Variants in CDH16 observed in about 807,000 individuals in gnomAD.
CDH16 encodes cadherin-16.
A neutral mutation model predicts 87.6 loss-of-function variants in CDH16; 79 were observed. The observed-to-expected ratio is 0.90, with a 90% CI of 0.75 to 1.09. The LOEUF is 1.09. CDH16 is among the 50% of genes least tolerant of loss of function. The probability of loss-of-function intolerance (pLI) is 0.00; values close to 1 mark genes in which losing one functional copy is unlikely to be tolerated. For missense variants in CDH16, 1,124 were observed against 1,071.7 expected (o/e 1.05, Z -0.68); for synonymous variants, 457 against 439.5 (o/e 1.04, Z -0.50).
chr16:66,913,486 A>G lies in CDH16; in HGVS notation c.903+5T>C, dbSNP rs1484464245. 1 of 1,613,996 alleles carries G rather than the reference A, an allele frequency of 6.2e-7. No homozygotes were observed. Among genetic ancestry groups the G allele is most frequent in the Admixed American group, 1.7e-5 (1 of 59,996 alleles). On this transcript the variant is annotated splice_donor_5th_base_variant and intron_variant, in intron 8 of 17. Coordinates refer to ENST00000299752, the MANE Select transcript of CDH16 (RefSeq NM_004062.4). Reference sequence around the variant, plus strand: ...CCTGCATCCCTGGCTCCCCCTTCATATCACCTCAGCCTGGGCTTCTCTGTC... The same window carrying G: ...CCTGCATCCCTGGCTCCCCCTTCATGTCACCTCAGCCTGGGCTTCTCTGTC...
rs768163050 is a variant in CDH16, at chr16:66,913,189, G to T, written c.996C>A (p.Asn332Lys). The change falls in exon 9 of 18, where the codon AAC becomes AAA. Residue 332 changes from asparagine to lysine, a missense_variant. Asn to Lys is a moderately conservative substitution (Grantham distance 94). Transcript: ENST00000299752. ...LHVLVMDENDNVPICPPRDPT... is the reference protein window; with the variant it reads ...LHVLVMDENDKVPICPPRDPT... ...GGTCACGGGGAGGGCAGATAGGCAC[G>T]TTGTCATTCTCATCCATCACCAGCA... The T allele has an allele frequency of 6.2e-7, 1 of 1,606,012 alleles. No individual in the cohort carries two copies. Among genetic ancestry groups the T allele is most frequent in the African/African-American group, 1.3e-5 (1 of 74,614 alleles).
At chr16:66,914,525 C>T in intron 6 of CDH16, 113 bp from the exon 7 acceptor site, 2 of 728,836 alleles carry the variant, frequency 2.7e-6, no homozygotes, top group Non-Finnish European at 4.6e-6. Context: ...GATTGGGACA[C>T]TCTCTTGGCC....
In CDH16 at chr16:66,910,448, G is replaced by A; in HGVS notation, c.1979C>T (p.Pro660Leu). 6.3e-7 allele frequency: 1 copy of A among 1,576,312 alleles called. No homozygotes were observed. The highest frequency in any genetic ancestry group is 1.2e-5 in the South Asian group (1 of 86,320). The change falls in exon 15 of 18, where the codon CCT becomes CTT. Residue 660 changes from proline (P) to leucine (L), a missense_variant. Physicochemically the swap from Pro to Leu is moderately conservative, Grantham distance 98. Coordinates refer to ENST00000299752, the MANE Select transcript of CDH16 (RefSeq NM_004062.4). ...APLVIHFLKA[P>L]PAPALTLAPV... ...GGCAAGAGTCAGGGCTGGGGCAGGAGGGGCCTTTAGGAAGTGGATCACCAG... is the reference window on the plus strand; with the variant it reads ...GGCAAGAGTCAGGGCTGGGGCAGGAAGGGCCTTTAGGAAGTGGATCACCAG...
At chr16:66,918,332 A>G (rs1962780289) in intron 1 of CDH16, among the ~76,000 whole-genome samples, 2 of 152,166 alleles carry the variant, frequency 1.3e-5, no homozygotes. Context: ...CCAGACCTCC[A>G]GCTCCTTCTC....
At chr16:66,910,541 A>G in intron 14 of CDH16, 39 bp from the exon 15 acceptor site, 1 of 1,460,888 alleles carries the variant, frequency 6.8e-7, no homozygotes, top group East Asian at 2.5e-5. Flanking sequence ...AGGTGTTGCC[A>G]GGGGGAGGGT....
Position 66,912,862 on chromosome 16 carries a change from C to G in CDH16, c.1084G>C (p.Asp362His). The G allele has an allele frequency of 6.2e-7, 1 of 1,612,708 alleles. No individual in the cohort carries two copies. The highest frequency in any genetic ancestry group is 1.7e-5 in the Admixed American group (1 of 60,008). ...GTEVTRLSAE[D>H]ADAPGSPNSH... is the part of the protein sequence containing the mutation. ...TTGGGGGAGCCGGGGGCATCTGCATCCTCTGCTGACAGTCTAGTCACTTCA... is the reference window on the plus strand; with the variant it reads ...TTGGGGGAGCCGGGGGCATCTGCATGCTCTGCTGACAGTCTAGTCACTTCA... Residue 362 changes from aspartate to histidine, a missense_variant, in exon 10 of 18, where the codon GAT (aspartate) becomes CAT (histidine). Coordinates refer to ENST00000299752, the MANE Select transcript of CDH16 (RefSeq NM_004062.4).
Position 66,917,688 on chromosome 16 carries a change from TCC to T in CDH16, c.81_82del (p.Glu28SerfsTer21). 1.2e-6 allele frequency: 2 copies of T among 1,613,462 alleles called. No individual in the cohort carries two copies. The highest frequency in any genetic ancestry group is 1.7e-6 in the Non-Finnish European group (2 of 1,179,768). ...ATTTCCACCATAGTTTTCTGGAACT[TCC>T]ACAGACAGCTCTGCAGGCTGGGCCT... is the stretch of plus-strand genomic sequence containing the variant. On this transcript the variant is annotated frameshift_variant, in exon 3 of 18. Coordinates refer to ENST00000299752, the MANE Select transcript of CDH16 (RefSeq NM_004062.4). LOFTEE classifies it high-confidence loss of function.
At position 66,915,377 on chromosome 16, in the gene CDH16, G is replaced by A; in HGVS notation, c.426C>T (p.Gly142=). ...AAGCCTCAAGGAAGAGGAAGGGGAT[G>A]CCTGGTTCACGGTGGGAGGGCAAAC... The part of the protein sequence containing the change: ...RARLSRGTRP[G]IPFLFLEASD... Residue 142 remains glycine (G), a splice_region_variant and synonymous_variant, in exon 6 of 18, where the codon GGC becomes GGT. Transcript: ENST00000299752. 2 of 1,613,654 alleles carry A rather than the reference G, an allele frequency of 1.2e-6. No individual in the cohort carries two copies. The highest frequency in any genetic ancestry group is 1.1e-5 in the South Asian group (1 of 91,028).
chr16:66,913,690 G>T, intron 7 of CDH16, 77 bp from the exon 8 acceptor site: 1 of 1,563,522 alleles, frequency 6.4e-7, no homozygotes, highest in Non-Finnish European at 8.7e-7. Context: ...TCTCGTTGAG[G>T]AGCCTGAGCC....
At chr16:66,914,460 G>A (rs1169590366) in intron 6 of CDH16, 48 bp from the exon 7 acceptor site, 1 of 1,409,310 alleles carries the variant, frequency 7.1e-7, no homozygotes, top group Non-Finnish European at 1.0e-6. Flanking sequence ...GGGAGCAGGG[G>A]CCAGGGCATC....
chr16:66,912,881 CACTTCAGT>C lies in CDH16; in HGVS notation c.1057_1064del (p.Thr353AspfsTer2). 1.9e-6 allele frequency: 3 copies of C among 1,610,312 alleles called. No individual in the cohort carries two copies. Among genetic ancestry groups the C allele is most frequent in the Non-Finnish European group, 2.5e-6 (3 of 1,179,606 alleles). On this transcript the variant is annotated frameshift_variant and splice_region_variant, in exon 10 of 18. Coordinates refer to ENST00000299752, the MANE Select transcript of CDH16 (RefSeq NM_004062.4). LOFTEE classifies it high-confidence loss of function. Reference sequence around the variant, plus strand: ...CTGCATCCTCTGCTGACAGTCTAGTCACTTCAGTACCTGCCAAGACAGCACCCGCCTGG... The same window carrying C: ...CTGCATCCTCTGCTGACAGTCTAGTCACCTGCCAAGACAGCACCCGCCTGG...
Position 66,909,434 on chromosome 16 carries a change from C to G in CDH16, c.2276-51G>C. On this transcript the variant is annotated intron_variant, in intron 16 of 17. Coordinates refer to ENST00000299752, the MANE Select transcript of CDH16 (RefSeq NM_004062.4). This position sits in a 1 kb window ranked among gnomAD's most constrained non-coding sequence, Gnocchi z 4.1. ...GGGGAGGGAGGGGAGGGCTCCCCAG[C>G]TGCTCAGAGCCCCCAGCCCAGCCAC... 1 of 1,217,816 alleles carries G rather than the reference C, an allele frequency of 8.2e-7. No homozygotes were observed. Among genetic ancestry groups the G allele is most frequent in the Non-Finnish European group, 1.2e-6 (1 of 839,790 alleles). 75.4% of individuals were successfully genotyped at this position (1,217,816 alleles called of 1,614,324 possible).
rs201292764 is a variant in CDH16, at chr16:66,912,848, G to T, written c.1098C>A (p.Pro366=). The part of the protein sequence containing the change: ...TRLSAEDADA[P]GSPNSHVVYQ... ...ACACAACGTGGGAATTGGGGGAGCC[G>T]GGGGCATCTGCATCCTCTGCTGACA... Residue 366 remains proline (P), a synonymous_variant, in exon 10 of 18, where the codon CCC becomes CCA. Transcript: ENST00000299752. 4 of 1,612,982 alleles carry T rather than the reference G, an allele frequency of 2.5e-6. No homozygotes were observed. The highest frequency in any genetic ancestry group is 2.5e-6 in the Non-Finnish European group (3 of 1,179,918).
chr16:66,916,878 C>G lies in CDH16; in HGVS notation c.130-449G>C, dbSNP rs1350717635. 1.3e-5 allele frequency among the ~76,000 whole-genome samples: 2 copies of G among 152,204 alleles called. No individual in the cohort carries two copies. Among genetic ancestry groups the G allele is most frequent in the Admixed American group, 6.5e-5 (1 of 15,270 alleles). ...GGTCACAGTCAACACATAGTCAGAA[C>G]TTTGTTTCATGCACAAAATCATTAA... On this transcript the variant is annotated intron_variant, in intron 3 of 17. Transcript: ENST00000299752. This position sits in a 1 kb window ranked among gnomAD's most constrained non-coding sequence, Gnocchi z 4.1.
In CDH16 at chr16:66,909,268, T is replaced by G; in HGVS notation, c.2391A>C (p.Ile797=). 1.9e-6 allele frequency: 3 copies of G among 1,597,068 alleles called. No individual in the cohort carries two copies. The African/African-American group carries it at 4.0e-5, about 21-fold the overall frequency. The part of the protein sequence containing the change: ...VGILVGTLVA[I]GIFLILIFTH... ...CAGGTAATGTCCAACCTCCATTACC[T>G]ATTGCTACCAGGGTGCCTACAAGGA... Residue 797 remains isoleucine (I), a splice_region_variant and synonymous_variant, in exon 17 of 18, where the codon ATA becomes ATC. Coordinates refer to ENST00000299752, the MANE Select transcript of CDH16 (RefSeq NM_004062.4). The surrounding 1 kb of genome is among the most constrained non-coding windows in gnomAD (Gnocchi z 4.1).
chr16:66,912,371 T>G lies in CDH16; in HGVS notation c.1419A>C (p.Thr473=), dbSNP rs1463824037. Reference sequence around the variant, plus strand: ...CGGGCTCGAGGTCAGCATCAATGGCTGTTAGCATGGCCACCAGAGTCCCGG... The same window carrying G: ...CGGGCTCGAGGTCAGCATCAATGGCGGTTAGCATGGCCACCAGAGTCCCGG... ...VEPGTLVAML[T]AIDADLEPAF... The change falls in exon 12 of 18, where the codon ACA becomes ACC. Residue 473 remains threonine, a synonymous_variant. Transcript: ENST00000299752. 2 of 1,614,096 alleles carry G rather than the reference T, an allele frequency of 1.2e-6. No individual in the cohort carries two copies. Among genetic ancestry groups the G allele is most frequent in the Non-Finnish European group, 1.7e-6 (2 of 1,179,998 alleles).
chr16:66,909,290 A>G lies in CDH16; in HGVS notation c.2369T>C (p.Leu790Pro). Residue 790 changes from leucine (L) to proline (P), a missense_variant, in exon 17 of 18, where the codon CTT becomes CCT. Transcript: ENST00000299752. This position sits in a 1 kb window ranked among gnomAD's most constrained non-coding sequence, Gnocchi z 4.1. The part of the protein sequence containing the change: ...MPTKLSAVGI[L>P]VGTLVAIGIF... ...ACCTATTGCTACCAGGGTGCCTACAAGGATGCCCACTGCCGACAGCTTCGT... is the reference window on the plus strand; with the variant it reads ...ACCTATTGCTACCAGGGTGCCTACAGGGATGCCCACTGCCGACAGCTTCGT... 1 of 1,612,786 alleles carries G rather than the reference A, an allele frequency of 6.2e-7. No homozygotes were observed. The highest frequency in any genetic ancestry group is 1.3e-5 in the African/African-American group (1 of 75,004).
chr16:66,909,920 G>A lies in CDH16; in HGVS notation c.2275+66C>T. The stretch of plus-strand genomic sequence containing the variant: ...GAGCAGCCTGTATGCATGTGTACCA[G>A]CTCCCTCCCCTTGCATCCCAGCGGT... On this transcript the variant is annotated intron_variant, in intron 16 of 17. Coordinates refer to ENST00000299752, the MANE Select transcript of CDH16 (RefSeq NM_004062.4). This position sits in a 1 kb window ranked among gnomAD's most constrained non-coding sequence, Gnocchi z 4.1. 5 of 1,187,568 alleles carry A rather than the reference G, an allele frequency of 4.2e-6. No homozygotes were observed. Among genetic ancestry groups the A allele is most frequent in the Non-Finnish European group, 6.1e-6 (5 of 818,198 alleles). 73.6% of individuals were successfully genotyped at this position (1,187,568 alleles called of 1,614,324 possible). A position where few individuals can be genotyped will look rare whatever the true frequency, so the allele number is the denominator to read the frequency against.
chr16:66,917,929 C>T (rs768827794), intron 2 of CDH16, 92 bp downstream of exon 2: 11 of 1,185,914 alleles, frequency 9.3e-6, no homozygotes, highest in East Asian at 2.6e-5. Context: ...ACCGTTCTCA[C>T]GGTCAGTGCA....
Sources: allele counts gnomAD v4.1 joint callset (sites outside exome capture counted in the v4.1 genomes callset), GRCh38; gene constraint gnomAD v4.1.1; non-coding constraint Gnocchi (gnomAD v3.1); transcripts MANE v1.5; gene names NCBI Gene and HGNC (gene_info 2026-07-23, HGNC 2026-07-21).